Variants in CTSC observed in about 807,000 individuals in gnomAD.
CTSC encodes the protein dipeptidyl peptidase 1.
Under a neutral mutation model 40.9 loss-of-function variants are expected in CTSC, and 37 were observed. The observed-to-expected ratio is 0.91, with a 90% CI of 0.70 to 1.19. CTSC has a LOEUF of 1.19. Ranked by LOEUF, CTSC falls within the 50% of genes most tolerant of loss-of-function variation. CTSC has a pLI of 0.00. For missense variants in CTSC, 594 were observed against 567.3 expected (o/e 1.05, Z -0.48); for synonymous variants, 232 against 207.4 (o/e 1.12, Z -1.02).
chr11:88,317,190 C>T (rs1349728166), intron 2 of CTSC, among the ~76,000 whole-genome samples: 1 of 152,198 alleles, frequency 6.6e-6, no homozygotes, highest in Non-Finnish European at 1.5e-5. Flanking sequence ...TGGTCTTGAA[C>T]TCCTGACCTC....
At chr11:88,333,527 T>C (rs1169906572) in intron 2 of CTSC, among the ~76,000 whole-genome samples, 2 of 152,238 alleles carry the variant, frequency 1.3e-5, no homozygotes, top group East Asian at 3.8e-4. Flanking sequence ...TGCAATTGAT[T>C]CTTAATCTGA....
chr11:88,310,108 T>C (rs1003005441), intron 3 of CTSC, among the ~76,000 whole-genome samples: 4 of 151,998 alleles, frequency 2.6e-5, no homozygotes, highest in Non-Finnish European at 4.4e-5. Flanking sequence ...CCAATATCAG[T>C]AGCAACACCC....
At chr11:88,306,524 C>T (rs1006924224) in intron 4 of CTSC, among the ~76,000 whole-genome samples, 3 of 151,782 alleles carry the variant, frequency 2.0e-5, no homozygotes, top group Non-Finnish European at 2.9e-5. Flanking sequence ...CAGAGCGGCA[C>T]AGAGCTGTGG....
intron 2 of CTSC, among the ~76,000 whole-genome samples, chr11:88,330,408 G>C (rs1938317337): frequency 6.6e-6 from 1 of 152,030 alleles, no homozygotes; most frequent in African/African-American, 2.4e-5. Context: ...GAGTGCAATG[G>C]TGTGATCTCG....
intron 1 of CTSC, 121 bp from the exon 2 acceptor site, chr11:88,335,203 A>T: frequency 2.8e-6 from 2 of 723,880 alleles, no homozygotes; most frequent in Non-Finnish European, 4.8e-6. Flanking sequence ...GTTTGAGCAC[A>T]GTCTGCCTAG....
At chr11:88,334,646 T>C (rs1388486237) in intron 2 of CTSC, 1 of 344,426 alleles carries the variant, frequency 2.9e-6, no homozygotes, top group African/African-American at 2.2e-5. Flanking sequence ...AGAAATAAAG[T>C]GGTAGTAATA....
At chr11:88,308,101 A>T (rs1346591512) in intron 4 of CTSC, among the ~76,000 whole-genome samples, 1 of 152,224 alleles carries the variant, frequency 6.6e-6, no homozygotes, top group African/African-American at 2.4e-5. Flanking sequence ...CAAAAATTAT[A>T]CCAGTGAGAA....
intron 3 of CTSC, among the ~76,000 whole-genome samples, chr11:88,310,320 A>C (rs190855713): frequency 7.2e-5 from 11 of 152,288 alleles, no homozygotes; most frequent in Admixed American, 5.9e-4. Context: ...TTTACAAAGT[A>C]GAAAAATTCA....
chr11:88,296,375 T>C (rs1182785803), intron 5 of CTSC, 111 bp from the exon 6 acceptor site: 3 of 1,340,858 alleles, frequency 2.2e-6, no homozygotes, highest in Non-Finnish European at 3.1e-6. Context: ...AATGTTGTTG[T>C]TTATAAGAAT....
intron 2 of CTSC, chr11:88,326,251 G>A (rs1938182806): frequency 9.2e-6 from 14 of 1,523,844 alleles, no homozygotes; most frequent in African/African-American, 1.4e-5. Flanking sequence ...AGCTGCCTTG[G>A]AGGTAGGTCA....
At chr11:88,316,969 A>T (rs1035825657) in intron 2 of CTSC, among the ~76,000 whole-genome samples, 1 of 144,382 alleles carries the variant, frequency 6.9e-6, no homozygotes, top group African/African-American at 2.5e-5. Flanking sequence ...GGTTGTCTTA[A>T]TTTTTTTTTT....
intron 2 of CTSC, chr11:88,326,412 A>G: frequency 6.2e-7 from 1 of 1,613,916 alleles, no homozygotes. Context: ...GTGGTTTTAA[A>G]AGAGTCCCTC....
chr11:88,294,288 C>T lies in CTSC; in HGVS notation c.1110G>A (p.Met370Ile). ...CATCATATACTTCAAAAGCAACTGCCATGGGCCCATGATGGACCAACTCAA... is the reference window on the plus strand; with the variant it reads ...CATCATATACTTCAAAAGCAACTGCTATGGGCCCATGATGGACCAACTCAA... Reference protein sequence around the residue: ...MKLELVHHGPMAVAFEVYDDF... With the variant: ...MKLELVHHGPIAVAFEVYDDF... Residue 370 changes from methionine (M) to isoleucine (I), a missense_variant, in exon 7 of 7, where the codon ATG becomes ATA. Met to Ile is a conservative substitution (Grantham distance 10). Transcript: ENST00000227266. 6.2e-7 allele frequency: 1 copy of T among 1,614,076 alleles called. No individual in the cohort carries two copies. Among genetic ancestry groups the T allele is most frequent in the South Asian group, 1.1e-5 (1 of 91,078 alleles).
rs1298595745 is a variant in CTSC at position 88,300,527 on chromosome 11, T to C, written c.757+3A>G. On this transcript the variant is annotated splice_donor_region_variant and intron_variant, in intron 5 of 6. Coordinates refer to ENST00000227266, the MANE Select transcript of CTSC (RefSeq NM_001814.6). ...AACAAAAAACTTAGGCTTATTTTTT[T>C]ACCTTGGTTTCGAACAGGACTGACA... 5 of 1,572,160 alleles carry C rather than the reference T, an allele frequency of 3.2e-6. No homozygotes were observed. The highest frequency in any genetic ancestry group is 1.7e-5 in the Admixed American group (1 of 59,964).
At chr11:88,310,913 T>G (rs75660144) in intron 3 of CTSC, among the ~76,000 whole-genome samples, 1 of 152,160 alleles carries the variant, frequency 6.6e-6, no homozygotes, top group South Asian at 2.1e-4. Flanking sequence ...TTCGCTTGCT[T>G]TATCATAACA....
At chr11:88,309,344 A>C (rs746924817) in intron 3 of CTSC, 26 bp from the exon 4 acceptor site, 2 of 1,587,390 alleles carry the variant, frequency 1.3e-6, no homozygotes, top group South Asian at 2.2e-5. Flanking sequence ...AGATAATTTC[A>C]GATATAGTCT....
chr11:88,317,901 A>G (rs1260355833), intron 2 of CTSC, among the ~76,000 whole-genome samples: 1 of 152,242 alleles, frequency 6.6e-6, no homozygotes, highest in Non-Finnish European at 1.5e-5. Flanking sequence ...AAAAACTATT[A>G]TGATTCAATA....
rs373283977 is a variant in CTSC at position 88,312,530 on chromosome 11, T to C, written c.343A>G (p.Thr115Ala). 42 of 1,614,134 alleles carry C rather than the reference T, an allele frequency of 2.6e-5. No individual in the cohort carries two copies. The highest frequency in any genetic ancestry group is 3.4e-5 in the Non-Finnish European group (40 of 1,180,012). ...GTCATTGTCTCGTTGCAGTAAGTGG[T>C]CACCTTGCTGCCCTCTTCTTTATAC... The part of the protein sequence containing the change: ...FKYKEEGSKV[T>A]TYCNETMTGW... The change falls in exon 3 of 7, where the codon ACC (threonine) becomes GCC (alanine). Residue 115 changes from threonine to alanine, a missense_variant. Physicochemically the swap from Thr to Ala is moderately conservative, Grantham distance 58. Transcript: ENST00000227266.
chr11:88,318,885 G>A (rs1937933736), intron 2 of CTSC, among the ~76,000 whole-genome samples: 1 of 151,850 alleles, frequency 6.6e-6, no homozygotes, highest in African/African-American at 2.4e-5. Flanking sequence ...CCCAGCCTTG[G>A]CAAAAAGAGG....
Sources: gnomAD v4.1 joint callset for allele counts (sites outside exome capture counted in the v4.1 genomes callset) on GRCh38, gnomAD v4.1.1 for gene constraint, MANE v1.5 for transcripts, NCBI Gene and HGNC (gene_info 2026-07-23, HGNC 2026-07-21) for gene names.